The following GMDS variants were observed in gnomAD, a reference collection of about 807,000 sequenced individuals.
The protein encoded by GMDS is GDP-mannose 4,6 dehydratase.
A neutral mutation model predicts 49.9 loss-of-function variants in GMDS; 20 were observed. That is an observed-to-expected ratio of 0.40 (90% confidence interval 0.28 to 0.58). The LOEUF (loss-of-function observed/expected upper bound fraction) is 0.58, where lower values mean the gene tolerates loss of function less well. GMDS is among the 20% of genes least tolerant of loss of function. GMDS has a pLI of 0.42. For synonymous variants in GMDS, 177 were observed against 178.6 expected, an observed-to-expected ratio of 0.99 and a Z score of 0.07; for missense variants, 362 against 481.4, an observed-to-expected ratio of 0.75 and a Z score of 2.32.
At chr6:2,161,788 A>T (rs961951640) in intron 1 of GMDS, among the ~76,000 whole-genome samples, 2 of 152,184 alleles carry the variant, frequency 1.3e-5, no homozygotes, top group African/African-American at 4.8e-5. Context: ...CCTGAAACAC[A>T]AAAAAGGGCT....
intron 1 of GMDS, among the ~76,000 whole-genome samples, chr6:2,222,470 A>G (rs886689123): frequency 5.3e-5 from 8 of 152,178 alleles, no homozygotes; most frequent in African/African-American, 1.9e-4. Flanking sequence ...ATTATTGGGT[A>G]CTCATCAGGT....
chr6:2,048,063 C>T (rs912598426), intron 4 of GMDS, among the ~76,000 whole-genome samples: 2 of 152,158 alleles, frequency 1.3e-5, no homozygotes, highest in Non-Finnish European at 2.9e-5. Context: ...TTCAAGAAGT[C>T]AACAGCCATT....
Position 1,853,227 on chromosome 6 carries a change from A to T in GMDS, c.771+76876T>A, listed in dbSNP as rs529270891. ...TTTTGGAAAAGGCTGTCTGAAGATT[A>T]TATAAGGAGGGCCGGGCGCGGTGGC... On this transcript the variant is annotated intron_variant, in intron 7 of 10. Transcript: ENST00000380815. 2.0e-5 allele frequency among the ~76,000 whole-genome samples: 3 copies of T among 152,054 alleles called. No homozygotes were observed. In the South Asian group the frequency reaches 6.3e-4, roughly 32 times the overall value.
At chr6:2,014,990 G>C (rs1040007266) in intron 4 of GMDS, among the ~76,000 whole-genome samples, 1 of 152,008 alleles carries the variant, frequency 6.6e-6, no homozygotes. Context: ...ATGATAAAGG[G>C]GTCATTTCTC....
At chr6:1,719,633 A>AG (rs1368820244) in intron 9 of GMDS, among the ~76,000 whole-genome samples, 1 of 151,372 alleles carries the variant, frequency 6.6e-6, no homozygotes, top group Non-Finnish European at 1.5e-5. Context: ...AAAAAAAAAA[A>AG]AGAGAGAGGG....
intron 7 of GMDS, among the ~76,000 whole-genome samples, chr6:1,855,008 AT>A (rs1486472140): frequency 6.6e-6 from 1 of 152,224 alleles, no homozygotes; most frequent in Non-Finnish European, 1.5e-5. Flanking sequence ...CAGAAAAAAA[AT>A]AAAAGTTCCT....
intron 4 of GMDS, among the ~76,000 whole-genome samples, chr6:1,999,988 T>TACG (rs1766634305): frequency 7.0e-5 from 1 of 14,310 alleles, no homozygotes; most frequent in South Asian, 1.8e-3. Flanking sequence ...ATATTTTATA[T>TACG]ATATATATTA....
chr6:2,224,753 C>T (rs234934), intron 1 of GMDS, among the ~76,000 whole-genome samples: 1,654 of 152,210 alleles, frequency 0.011, 34 homozygotes, highest in African/African-American at 0.038. Flanking sequence ...AAAATTATAG[C>T]GTGTCTTCAG....
chr6:1,979,251 C>T (rs1441384154), intron 4 of GMDS, among the ~76,000 whole-genome samples: 1 of 152,152 alleles, frequency 6.6e-6, no homozygotes, highest in African/African-American at 2.4e-5. Flanking sequence ...ATGAACTTTG[C>T]TGAGCTAAGG....
At chr6:1,643,299 T>C (rs763413750) in intron 9 of GMDS, among the ~76,000 whole-genome samples, 84 of 152,102 alleles carry the variant, frequency 5.5e-4, no homozygotes, top group Non-Finnish European at 7.2e-4. Flanking sequence ...CCCAGCCCAT[T>C]TGGCAGGACA....
chr6:1,900,341 A>G (rs2113857743), intron 7 of GMDS, among the ~76,000 whole-genome samples: 1 of 152,350 alleles, frequency 6.6e-6, no homozygotes, highest in South Asian at 2.1e-4. Flanking sequence ...CACCGTCAAC[A>G]ATGCGTGCAG....
chr6:1,733,970 C>T (rs368265359), intron 8 of GMDS, among the ~76,000 whole-genome samples: 30 of 152,238 alleles, frequency 2.0e-4, no homozygotes, highest in South Asian at 8.3e-4. Flanking sequence ...CAAGGGGCAT[C>T]GGGGCGACCT....
At chr6:1,990,170 C>A (rs1284969810) in intron 4 of GMDS, among the ~76,000 whole-genome samples, 2 of 152,158 alleles carry the variant, frequency 1.3e-5, no homozygotes, top group Non-Finnish European at 2.9e-5. Flanking sequence ...GTGGCACGTG[C>A]CTGTAGTCCC....
intron 1 of GMDS, among the ~76,000 whole-genome samples, chr6:2,150,033 G>A (rs932308130): frequency 4.6e-5 from 7 of 152,038 alleles, no homozygotes; most frequent in African/African-American, 1.7e-4. Flanking sequence ...TTAACAATAT[G>A]CTCAAGGCAA....
At chr6:1,943,934 A>C (rs1041344065) in intron 6 of GMDS, among the ~76,000 whole-genome samples, 2 of 152,240 alleles carry the variant, frequency 1.3e-5, no homozygotes, top group Non-Finnish European at 2.9e-5. Context: ...AGAATGAAAA[A>C]CACTGGAACA....
chr6:1,947,273 C>T (rs2127270385), intron 6 of GMDS, among the ~76,000 whole-genome samples: 1 of 152,300 alleles, frequency 6.6e-6, no homozygotes, highest in East Asian at 1.9e-4. Flanking sequence ...TTCTCACCAA[C>T]CTATTTTGTC....
intron 7 of GMDS, among the ~76,000 whole-genome samples, chr6:1,832,499 G>A (rs1203592379): frequency 6.6e-6 from 1 of 151,980 alleles, no homozygotes; most frequent in Non-Finnish European, 1.5e-5. Flanking sequence ...GTGTGTTGGA[G>A]AGCATGTAAA....
intron 7 of GMDS, among the ~76,000 whole-genome samples, chr6:1,789,964 T>C (rs1372115995): frequency 1.3e-5 from 2 of 152,368 alleles, no homozygotes; most frequent in Non-Finnish European, 1.5e-5. Context: ...TCATTTGTGA[T>C]CCACTCTGGT....
chr6:1,790,228 G>A (rs2113633745), intron 7 of GMDS, among the ~76,000 whole-genome samples: 1 of 152,014 alleles, frequency 6.6e-6, no homozygotes, highest in Middle Eastern at 3.4e-3. Flanking sequence ...CAGCATTTAG[G>A]GCTTATTAGA....
Sources: allele counts gnomAD v4.1 joint callset (sites outside exome capture counted in the v4.1 genomes callset), GRCh38; gene constraint gnomAD v4.1.1; transcripts MANE v1.5; gene names NCBI Gene and HGNC (gene_info 2026-07-23, HGNC 2026-07-21).